The following ABRAXAS1 variants were observed in gnomAD, a reference collection of about 807,000 sequenced individuals.
ABRAXAS1 encodes abraxas 1, BRCA1 A complex subunit, also known as BRCA1-A complex subunit Abraxas 1.
A neutral mutation model predicts 38.4 loss-of-function variants in ABRAXAS1; 26 were observed. The observed-to-expected ratio is 0.68, with a 90% CI of 0.50 to 0.94. The LOEUF (loss-of-function observed/expected upper bound fraction) is 0.94, where lower values mean the gene tolerates loss of function less well. Among genes scored for constraint, ABRAXAS1 ranks in the 40% least tolerant of loss-of-function variants. The probability of loss-of-function intolerance (pLI) is 0.00; values close to 1 mark genes in which losing one functional copy is unlikely to be tolerated. For synonymous variants in ABRAXAS1, 144 were observed against 165.5 expected, an observed-to-expected ratio of 0.87 and a Z score of 1.00; for missense variants, 438 against 481.9, an observed-to-expected ratio of 0.91 and a Z score of 0.85.
intron 7 of ABRAXAS1, among the ~76,000 whole-genome samples, chr4:83,464,849 C>T (rs1560572012): frequency 6.6e-6 from 1 of 152,224 alleles, no homozygotes; most frequent in East Asian, 1.9e-4. Flanking sequence ...TGTGCAGACA[C>T]AGAAAGTTCT....
rs909469964 is a variant in ABRAXAS1, at chr4:83,467,576, A to C, written c.597-38T>G. ...ACCATTTCCTCAGGCAAATACACAAAACCATTTTAATGATAAGGTGAAAAA... is the reference window on the plus strand; with the variant it reads ...ACCATTTCCTCAGGCAAATACACAACACCATTTTAATGATAAGGTGAAAAA... On this transcript the variant is annotated intron_variant, in intron 6 of 8. Transcript: ENST00000321945. The C allele has an allele frequency of 4.0e-6, 4 of 1,000,352 alleles. No homozygotes were observed. The African/African-American group carries it at 4.9e-5, about 12-fold the overall frequency. The allele number at this position is 1,000,352 out of a possible 1,614,324, so 62.0% of individuals were successfully genotyped here.
rs777982744 is a variant in ABRAXAS1 at position 83,472,321 on chromosome 4, A to G, written c.216-33T>C. 9 of 1,317,700 alleles carry G rather than the reference A, an allele frequency of 6.8e-6. No individual in the cohort carries two copies. The South Asian group carries it at 1.3e-4, about 20-fold the overall frequency. 81.6% of individuals were successfully genotyped at this position (1,317,700 alleles called of 1,614,324 possible). ...AGCCAAAATTAAAGGTATTTCAAAT[A>G]CGCTAAAAATATAAGTAATTTTATT... On this transcript the variant is annotated intron_variant, in intron 3 of 8. Coordinates refer to ENST00000321945, the MANE Select transcript of ABRAXAS1 (RefSeq NM_139076.3).
intron 5 of ABRAXAS1, 107 bp from the exon 6 acceptor site, chr4:83,469,258 C>G (rs766660312): frequency 7.5e-4 from 694 of 921,756 alleles, no homozygotes; most frequent in Non-Finnish European, 9.0e-4. Flanking sequence ...AAAATACACC[C>G]CCCAAAACCC....
chr4:83,483,913 T>A, intron 1 of ABRAXAS1: 1 of 579,380 alleles, frequency 1.7e-6, no homozygotes, highest in Non-Finnish European at 2.2e-6. Flanking sequence ...GCTACACATA[T>A]ATTTTAAATG....
chr4:83,473,505 G>T (rs973709113), intron 3 of ABRAXAS1, among the ~76,000 whole-genome samples: 5 of 151,960 alleles, frequency 3.3e-5, no homozygotes, highest in East Asian at 1.9e-4. Flanking sequence ...AGATGAAGGG[G>T]GTGGCATTTT....
intron 1 of ABRAXAS1, among the ~76,000 whole-genome samples, chr4:83,484,537 C>G (rs1723108453): frequency 6.6e-6 from 1 of 152,250 alleles, no homozygotes; most frequent in African/African-American, 2.4e-5. Context: ...CCTTACCATC[C>G]TACCATCGCA....
At chr4:83,464,993 T>C (rs1349196822) in intron 7 of ABRAXAS1, among the ~76,000 whole-genome samples, 2 of 152,092 alleles carry the variant, frequency 1.3e-5, no homozygotes, top group Admixed American at 1.3e-4. Context: ...CTATGAAATA[T>C]ACTGCCATTA....
intron 1 of ABRAXAS1, among the ~76,000 whole-genome samples, chr4:83,483,739 G>T (rs1235726498): frequency 6.6e-6 from 1 of 151,994 alleles, no homozygotes; most frequent in African/African-American, 2.4e-5. Flanking sequence ...CAATGCAAGT[G>T]CAACTAGCCA....
rs544092210 is a variant in ABRAXAS1 at position 83,478,512 on chromosome 4, A to T, written c.179-1833T>A. ...TTCTAATGTATTTTGGCAAAGTTCT[A>T]AGTGTTTACCAAACCGTTGGTCTCC... On this transcript the variant is annotated intron_variant, in intron 2 of 8. Coordinates refer to ENST00000321945, the MANE Select transcript of ABRAXAS1 (RefSeq NM_139076.3). 3.5e-5 allele frequency: 13 copies of T among 371,258 alleles called. No individual in the cohort carries two copies. The East Asian group carries it at 9.0e-4, about 26-fold the overall frequency. The allele number at this position is 371,258 out of a possible 1,614,324, so 23.0% of individuals were successfully genotyped here.
At chr4:83,484,954 G>A in intron 1 of ABRAXAS1, 32 bp downstream of exon 1, 1 of 1,543,100 alleles carries the variant, frequency 6.5e-7, no homozygotes, top group South Asian at 1.2e-5. Context: ...CTTCCCAGGC[G>A]ACGCCGGACC....
Position 83,461,753 on chromosome 4 carries a change from T to C in ABRAXAS1, c.*716A>G, listed in dbSNP as rs1722126937. 4 of 229,172 alleles carry C rather than the reference T, an allele frequency of 1.7e-5. No individual in the cohort carries two copies. Among genetic ancestry groups the C allele is most frequent in the Non-Finnish European group, 3.5e-5 (4 of 115,676 alleles). 14.2% of individuals were successfully genotyped at this position (229,172 alleles called of 1,614,324 possible). On this transcript the variant is annotated 3_prime_UTR_variant, in exon 9 of 9. Transcript: ENST00000321945. ...ACACTGGATTACCAGGCTTGTACTG[T>C]ATTCAAAATGATAGATTTGCTAAAT...
chr4:83,467,784 C>T (rs752950552), intron 6 of ABRAXAS1, among the ~76,000 whole-genome samples: 63 of 151,512 alleles, frequency 4.2e-4, no homozygotes, highest in Non-Finnish European at 1.9e-4. Context: ...CGAGGATGGG[C>T]GGGGGATGGG....
At chr4:83,466,557 A>ACG (rs1722364769) in intron 7 of ABRAXAS1, among the ~76,000 whole-genome samples, 1 of 138,604 alleles carries the variant, frequency 7.2e-6, no homozygotes, top group African/African-American at 2.6e-5. Context: ...TTTTTTTGAG[A>ACG]CGGAGTCTCG....
Position 83,461,139 on chromosome 4 carries a change from A to ACAAGGATCCTG in ABRAXAS1, c.*1319_*1329dup, listed in dbSNP as rs953136191. 2.5e-6 allele frequency: 4 copies of ACAAGGATCCTG among 1,613,500 alleles called. No individual in the cohort carries two copies. The African/African-American group carries it at 5.3e-5, about 22-fold the overall frequency. On this transcript the variant is annotated 3_prime_UTR_variant, in exon 9 of 9. Transcript: ENST00000321945. Reference sequence around the variant, plus strand: ...TTTACAGGGTTTATGCCAGTTACATACAAGGATCCTGCATATCTCAAGGAC... The same window carrying ACAAGGATCCTG: ...TTTACAGGGTTTATGCCAGTTACATACAAGGATCCTGCAAGGATCCTGCATATCTCAAGGAC...
At chr4:83,470,606 G>A (rs1369434889) in intron 4 of ABRAXAS1, among the ~76,000 whole-genome samples, 1 of 152,082 alleles carries the variant, frequency 6.6e-6, no homozygotes, top group Admixed American at 6.5e-5. Flanking sequence ...GAAAGGGTAC[G>A]GTTTTCATCA....
At position 83,461,434 on chromosome 4, in the gene ABRAXAS1, C is replaced by A; in HGVS notation, c.*1035G>T. On this transcript the variant is annotated 3_prime_UTR_variant, in exon 9 of 9. Coordinates refer to ENST00000321945, the MANE Select transcript of ABRAXAS1 (RefSeq NM_139076.3). ...TGTGATTGTCATTTATATCTGATCC[C>A]CAAATAGCTCATACAATAATCCATT... is the stretch of plus-strand genomic sequence containing the variant. 1 of 466,728 alleles carries A rather than the reference C, an allele frequency of 2.1e-6. No homozygotes were observed. Among genetic ancestry groups the A allele is most frequent in the South Asian group, 2.6e-5 (1 of 39,110 alleles). The allele number at this position is 466,728 out of a possible 1,614,324, so 28.9% of individuals were successfully genotyped here.
Position 83,482,141 on chromosome 4 carries a change from A to G in ABRAXAS1, c.178+13T>C, listed in dbSNP as rs1560580729. ...CACAGATGATTCAAATATAGGAGAA[A>G]TAAATAACTCACCAATTGTATAAAC... On this transcript the variant is annotated intron_variant, in intron 2 of 8. Transcript: ENST00000321945. 6.5e-7 allele frequency: 1 copy of G among 1,530,118 alleles called. No homozygotes were observed. The highest frequency in any genetic ancestry group is 9.0e-7 in the Non-Finnish European group (1 of 1,110,466). The allele number at this position is 1,530,118 out of a possible 1,614,324, so 94.8% of individuals were successfully genotyped here. A position where few individuals can be genotyped will look rare whatever the true frequency, so the allele number is the denominator to read the frequency against.
Position 83,485,061 on chromosome 4 carries a change from C to CT in ABRAXAS1, c.11dup (p.Ser5GlufsTer36). ...AGCCCGAGAGCACCGCCGACGTACT[C>CT]TCCCCCTCCATGCTACCGCCGCCTC... On this transcript the variant is annotated frameshift_variant, in exon 1 of 9. Transcript: ENST00000321945. LOFTEE classifies it high-confidence loss of function. The CT allele has an allele frequency of 6.3e-7, 1 of 1,590,212 alleles. No homozygotes were observed. Among genetic ancestry groups the CT allele is most frequent in the East Asian group, 2.4e-5 (1 of 42,330 alleles).
Position 83,480,222 on chromosome 4 carries a change from A to G in ABRAXAS1, c.178+1932T>C, listed in dbSNP as rs184885706. The G allele has an allele frequency of 1.7e-5, 4 of 241,964 alleles. No homozygotes were observed. The East Asian group carries it at 6.7e-4, about 40-fold the overall frequency. 15.0% of individuals were successfully genotyped at this position (241,964 alleles called of 1,614,324 possible). A position where few individuals can be genotyped will look rare whatever the true frequency, so the allele number is the denominator to read the frequency against. On this transcript the variant is annotated intron_variant, in intron 2 of 8. Transcript: ENST00000321945. ...CATCTCTACTAAAAATACAAAAAAA[A>G]TTAGCCGGGCATGGTTGCGTGTGCC...
Sources: gnomAD v4.1 joint callset for allele counts (sites outside exome capture counted in the v4.1 genomes callset) on GRCh38, gnomAD v4.1.1 for gene constraint, MANE v1.5 for transcripts, NCBI Gene and HGNC (gene_info 2026-07-23, HGNC 2026-07-21) for gene names.